ANO4: variants seen among roughly 807,000 people sequenced by gnomAD.
The protein encoded by ANO4 is anoctamin 4.
ANO4 carries 69 observed loss-of-function variants against 141.9 expected under a neutral mutation model. That is an observed-to-expected ratio of 0.49 (90% CI 0.40 to 0.59). ANO4 has a LOEUF of 0.59. ANO4 is among the 20% of genes least tolerant of loss of function. The pLI, the probability that ANO4 is intolerant of heterozygous loss-of-function variation, is 0.00. For missense variants in ANO4, 894 were observed against 1,162.2 expected (o/e 0.77, Z 3.36); for synonymous variants, 350 against 394.3 (o/e 0.89, Z 1.33).
intron 3 of ANO4, among the ~76,000 whole-genome samples, chr12:100,779,056 A>AAAAAAAC (rs994573992): frequency 1.3e-5 from 2 of 152,052 alleles, no homozygotes; most frequent in East Asian, 1.9e-4. Context: ...CCAAAAGAAA[A>AAAAAAAC]AAAAAACAAA....
At chr12:100,993,084 G>A (rs557045104) in intron 8 of ANO4, among the ~76,000 whole-genome samples, 14 of 152,250 alleles carry the variant, frequency 9.2e-5, no homozygotes, top group South Asian at 2.1e-4. Context: ...AGCTACTTGG[G>A]AGGTTGAGCT....
intron 13 of ANO4, among the ~76,000 whole-genome samples, chr12:101,044,991 A>C (rs2047562745): frequency 7.7e-6 from 1 of 129,430 alleles, no homozygotes; most frequent in African/African-American, 3.0e-5. Flanking sequence ...CCAAAATCAG[A>C]AGCCAATTTT....
At chr12:100,757,751 A>T (rs2032677139) in intron 3 of ANO4, among the ~76,000 whole-genome samples, 1 of 152,190 alleles carries the variant, frequency 6.6e-6, no homozygotes, top group African/African-American at 2.4e-5. Context: ...AACAGTACCA[A>T]CTTTCACACA....
intron 7 of ANO4, among the ~76,000 whole-genome samples, chr12:100,975,497 C>G (rs555432921): frequency 1.8e-3 from 264 of 150,496 alleles, no homozygotes; most frequent in African/African-American, 6.1e-3. Flanking sequence ...TCTCCGCTAA[C>G]CGCAACCTCC....
At chr12:100,765,379 CTTTT>C (rs71091461) in intron 3 of ANO4, among the ~76,000 whole-genome samples, 1 of 125,394 alleles carries the variant, frequency 8.0e-6, no homozygotes. Flanking sequence ...TTCTTTCTTT[CTTTT>C]TTTTTTTTTT....
intron 1 of ANO4, among the ~76,000 whole-genome samples, chr12:100,806,542 TTTTTTTTTTTTTTTTTTTG>T (rs1226404469): frequency 1.5e-4 from 8 of 51,680 alleles, no homozygotes; most frequent in South Asian, 9.5e-4. Flanking sequence ...TTTTTTTTTT[TTTTTTTTTTTTTTTTTTTG>T]TGAGACAGAG....
At chr12:100,831,013 T>C (rs774297717) in intron 1 of ANO4, among the ~76,000 whole-genome samples, 1 of 152,144 alleles carries the variant, frequency 6.6e-6, no homozygotes, top group East Asian at 1.9e-4. Flanking sequence ...TCTGCCTCAC[T>C]AAGAGTTTAA....
chr12:100,774,544 C>A (rs1461220575), intron 3 of ANO4, among the ~76,000 whole-genome samples: 1 of 152,150 alleles, frequency 6.6e-6, no homozygotes, highest in Non-Finnish European at 1.5e-5. Flanking sequence ...GGTTAAACAT[C>A]CAAGTAGATG....
chr12:100,892,958 A>T (rs1284917069), intron 1 of ANO4, among the ~76,000 whole-genome samples: 1 of 152,078 alleles, frequency 6.6e-6, no homozygotes, highest in Non-Finnish European at 1.5e-5. Context: ...ACTGTGAGCT[A>T]GGCATTGTGA....
rs141693179 is a variant in ANO4 at position 100,808,275 on chromosome 12, G to A, written c.-141+13248G>A. Among the ~76,000 whole-genome samples, 1,503 of 152,156 alleles carry A rather than the reference G, an allele frequency of 9.9e-3. 27 individuals are homozygous for A. Among genetic ancestry groups the A allele is most frequent in the African/African-American group, 0.034 (1,409 of 41,502 alleles). On this transcript the variant is annotated intron_variant, in intron 1 of 27. Coordinates refer to ENST00000392977, the MANE Select transcript of ANO4 (RefSeq NM_001286615.2). The stretch of plus-strand genomic sequence containing the variant: ...TAGCCATTCTGACTGGTGTGAGATG[G>A]TGTCTCATTTGATTTGCATTTATCT...
intron 3 of ANO4, among the ~76,000 whole-genome samples, chr12:100,766,173 A>G (rs2033072368): frequency 6.6e-6 from 1 of 152,114 alleles, no homozygotes; most frequent in Non-Finnish European, 1.5e-5. Context: ...CTCCAGGTTC[A>G]TCCAGGTTGT....
chr12:101,101,400 C>A (rs1049007135), intron 22 of ANO4, among the ~76,000 whole-genome samples: 1 of 152,136 alleles, frequency 6.6e-6, no homozygotes, highest in Admixed American at 6.5e-5. Flanking sequence ...AGAATGTAGA[C>A]CAGGAGCCAA....
intron 8 of ANO4, among the ~76,000 whole-genome samples, chr12:101,018,069 A>C (rs1017856947): frequency 1.3e-5 from 2 of 152,242 alleles, no homozygotes; most frequent in African/African-American, 4.8e-5. Context: ...TTTTCTTGTC[A>C]AGCATAGTTG....
intron 1 of ANO4, among the ~76,000 whole-genome samples, chr12:100,895,425 T>C (rs898790570): frequency 6.6e-6 from 1 of 152,162 alleles, no homozygotes; most frequent in South Asian, 2.1e-4. Context: ...AAGCCAGAAA[T>C]AGCACACCTT....
intron 1 of ANO4, among the ~76,000 whole-genome samples, chr12:100,868,275 A>G (rs972684763): frequency 1.4e-4 from 22 of 152,132 alleles, no homozygotes; most frequent in African/African-American, 4.6e-4. Flanking sequence ...CACTTTCTCT[A>G]TTGAGAGGCT....
intron 1 of ANO4, among the ~76,000 whole-genome samples, chr12:100,882,883 T>C (rs1427579753): frequency 6.6e-6 from 1 of 152,018 alleles, no homozygotes; most frequent in Non-Finnish European, 1.5e-5. Flanking sequence ...TATTTTTTAG[T>C]AGAGACGAGG....
Position 100,767,734 on chromosome 12 carries a change from A to G in ANO4, c.358+27629A>G, listed in dbSNP as rs558167012. Reference sequence around the variant, plus strand: ...TTTTCATTTAATAATTTTGGACCATATTAGACCATGGATTACTGAAACTTT... The same window carrying G: ...TTTTCATTTAATAATTTTGGACCATGTTAGACCATGGATTACTGAAACTTT... On this transcript the variant is annotated intron_variant, in intron 3 of 29. Coordinates refer to the ANO4 transcript ENST00000644049. Among the ~76,000 whole-genome samples, 5 of 152,356 alleles carry G rather than the reference A, an allele frequency of 3.3e-5. No homozygotes were observed. In the East Asian group the frequency reaches 9.6e-4, roughly 29 times the overall value.
chr12:101,085,178 A>T lies in ANO4; in HGVS notation c.1536+1360A>T, dbSNP rs575384391. Among the ~76,000 whole-genome samples, 44 of 152,344 alleles carry T rather than the reference A, an allele frequency of 2.9e-4. No homozygotes were observed. In the South Asian group the frequency reaches 8.9e-3, roughly 31 times the overall value. The stretch of plus-strand genomic sequence containing the variant: ...AAGAAAGGAATCTCTAAATCAGCAG[A>T]GGCCTTCCTGAGGCCTGGCTTCAAG... On this transcript the variant is annotated intron_variant, in intron 16 of 27. Transcript: ENST00000392977.
At chr12:100,845,154 T>A (rs2037491691) in intron 1 of ANO4, among the ~76,000 whole-genome samples, 1 of 151,636 alleles carries the variant, frequency 6.6e-6, no homozygotes, top group Admixed American at 6.6e-5. Flanking sequence ...TTGAGTGGGG[T>A]GTAGGTGGGT....
Sources: gnomAD v4.1 joint callset for allele counts (sites outside exome capture counted in the v4.1 genomes callset) on GRCh38, gnomAD v4.1.1 for gene constraint, MANE v1.5 for transcripts, NCBI Gene and HGNC (gene_info 2026-07-23, HGNC 2026-07-21) for gene names.